The following SGCZ variants were observed in gnomAD, a reference collection of about 807,000 sequenced individuals.
SGCZ encodes the protein sarcoglycan zeta.
In SGCZ, 40 loss-of-function variants were observed where a neutral mutation model predicts 41.3. The ratio of observed to expected loss-of-function variants is 0.97; its 90% confidence interval spans 0.75 to 1.26. The LOEUF is 1.26. SGCZ is among the 50% of genes most tolerant of loss of function. The pLI, the probability that SGCZ is intolerant of heterozygous loss-of-function variation, is 0.00. For missense variants in SGCZ, 552 were observed against 369.8 expected, an observed-to-expected ratio of 1.49 and a Z score of -4.04; for synonymous variants, 206 against 137.5, an observed-to-expected ratio of 1.50 and a Z score of -3.49.
At chr8:14,620,353 C>T (rs1454934689) in intron 1 of SGCZ, among the ~76,000 whole-genome samples, 1 of 152,180 alleles carries the variant, frequency 6.6e-6, no homozygotes, top group Non-Finnish European at 1.5e-5. Flanking sequence ...AAAACCTAGG[C>T]AATACCATTC....
chr8:14,646,006 G>C (rs1171665767), intron 1 of SGCZ, among the ~76,000 whole-genome samples: 1 of 103,492 alleles, frequency 9.7e-6, no homozygotes, highest in Non-Finnish European at 2.2e-5. Flanking sequence ...TCAGAATCTT[G>C]AACAAATTAA....
intron 1 of SGCZ, among the ~76,000 whole-genome samples, chr8:14,747,690 T>TATTATTATTATTATTATG (rs1436311134): frequency 7.5e-6 from 1 of 133,534 alleles, no homozygotes; most frequent in African/African-American, 2.6e-5. Flanking sequence ...TTATTATTAT[T>TATTATTATTATTATTATG]ATGTGTGTGT....
intron 2 of SGCZ, among the ~76,000 whole-genome samples, chr8:14,473,628 T>G (rs571486881): frequency 2.6e-5 from 4 of 152,050 alleles, no homozygotes; most frequent in Non-Finnish European, 5.9e-5. Flanking sequence ...AAATCTTATA[T>G]GTCAACAGAA....
intron 1 of SGCZ, among the ~76,000 whole-genome samples, chr8:14,904,250 C>T (rs903181747): frequency 2.0e-5 from 3 of 152,060 alleles, no homozygotes; most frequent in African/African-American, 7.2e-5. Context: ...GGAAAATACG[C>T]TTGATTTCTC....
At chr8:14,576,612 G>T (rs1804719632) in intron 1 of SGCZ, among the ~76,000 whole-genome samples, 1 of 152,092 alleles carries the variant, frequency 6.6e-6, no homozygotes, top group African/African-American at 2.4e-5. Flanking sequence ...TTGAAAACAG[G>T]GACCTGGAGA....
chr8:14,718,953 T>C (rs1809790238), intron 1 of SGCZ, among the ~76,000 whole-genome samples: 1 of 149,050 alleles, frequency 6.7e-6, no homozygotes, highest in Admixed American at 6.7e-5. Flanking sequence ...GCTGCACCCA[T>C]TAACTCGTCA....
At chr8:14,786,138 G>T (rs1018400534) in intron 1 of SGCZ, among the ~76,000 whole-genome samples, 1 of 148,362 alleles carries the variant, frequency 6.7e-6, no homozygotes, top group Non-Finnish European at 1.5e-5. Context: ...TTATTCCATA[G>T]TATCTAAGCC....
intron 2 of SGCZ, among the ~76,000 whole-genome samples, chr8:14,335,668 ATC>A (rs1187667484): frequency 1.6e-4 from 24 of 152,180 alleles, no homozygotes; most frequent in East Asian, 1.2e-3. Context: ...CTTGATAATT[ATC>A]TCTGTCTCAT....
At chr8:14,727,958 A>C (rs1006215016) in intron 1 of SGCZ, among the ~76,000 whole-genome samples, 3 of 152,244 alleles carry the variant, frequency 2.0e-5, no homozygotes, top group African/African-American at 7.2e-5. Flanking sequence ...GCATAAGTGC[A>C]CAGTAAAAAA....
chr8:14,781,935 G>A (rs1800601627), intron 1 of SGCZ, among the ~76,000 whole-genome samples: 1 of 152,100 alleles, frequency 6.6e-6, no homozygotes, highest in Non-Finnish European at 1.5e-5. Flanking sequence ...TTAAAAGTAT[G>A]GTTTCTATTG....
intron 5 of SGCZ, among the ~76,000 whole-genome samples, chr8:14,112,211 A>G (rs530318762): frequency 1.3e-5 from 2 of 150,618 alleles, no homozygotes; most frequent in South Asian, 4.2e-4. Flanking sequence ...GTGCCAAATG[A>G]GAACTTTTGC....
At chr8:14,377,544 T>TAG (rs1804179740) in intron 2 of SGCZ, among the ~76,000 whole-genome samples, 1 of 152,100 alleles carries the variant, frequency 6.6e-6, no homozygotes, top group Non-Finnish European at 1.5e-5. Flanking sequence ...CTTTTGTTAT[T>TAG]ATACTTTAAG....
chr8:15,039,329 G>A (rs1454620752), intron 1 of SGCZ, among the ~76,000 whole-genome samples: 1 of 152,104 alleles, frequency 6.6e-6, no homozygotes, highest in African/African-American at 2.4e-5. Context: ...CAACAACATG[G>A]ATGAACCCAG....
intron 1 of SGCZ, among the ~76,000 whole-genome samples, chr8:14,713,743 C>T (rs61578543): frequency 0.053 from 7,984 of 150,178 alleles, 703 homozygotes; most frequent in African/African-American, 0.18. Context: ...TTAGAAATTT[C>T]AGCCCATTGA....
At chr8:15,226,420 T>A (rs1801774733) in intron 1 of SGCZ, among the ~76,000 whole-genome samples, 1 of 152,242 alleles carries the variant, frequency 6.6e-6, no homozygotes, top group Admixed American at 6.5e-5. Context: ...AATTGATCAT[T>A]ATTATCTCCA....
intron 2 of SGCZ, among the ~76,000 whole-genome samples, chr8:14,366,600 C>T (rs1019519154): frequency 3.3e-5 from 5 of 152,054 alleles, no homozygotes; most frequent in African/African-American, 1.2e-4. Flanking sequence ...CCAACGGTCC[C>T]CCCAAAATCT....
At chr8:14,788,367 C>A (rs1800840786) in intron 1 of SGCZ, among the ~76,000 whole-genome samples, 1 of 152,144 alleles carries the variant, frequency 6.6e-6, no homozygotes, top group Non-Finnish European at 1.5e-5. Context: ...TTGGCTTCCT[C>A]ATTAGCCAAT....
chr8:14,684,176 C>T (rs987394903), intron 1 of SGCZ, among the ~76,000 whole-genome samples: 2 of 152,080 alleles, frequency 1.3e-5, no homozygotes, highest in Non-Finnish European at 2.9e-5. Flanking sequence ...ACTAAATGAA[C>T]GTCTACATGT....
rs866972736 is a variant in SGCZ, at chr8:14,110,980, G to A, written c.548-2745C>T. Among the ~76,000 whole-genome samples the A allele has an allele frequency of 2.0e-5, 3 of 151,918 alleles. 1 individual carries two copies. Among genetic ancestry groups the A allele is most frequent in the South Asian group, 4.1e-4 (2 of 4,824 alleles). ...GAGGCAGGAGAATAGTTTGAACCTG[G>A]GAGGCAAAGGTTGCAGTGAGCTGAG... On this transcript the variant is annotated intron_variant, in intron 5 of 7. Transcript: ENST00000382080.
Sources: gnomAD v4.1 joint callset for allele counts (sites outside exome capture counted in the v4.1 genomes callset) on GRCh38, gnomAD v4.1.1 for gene constraint, MANE v1.5 for transcripts, NCBI Gene and HGNC (gene_info 2026-07-23, HGNC 2026-07-21) for gene names.